The following TRIM2 variants were observed in gnomAD, a reference collection of about 807,000 sequenced individuals.
TRIM2 encodes tripartite motif containing 2.
TRIM2 carries 20 observed loss-of-function variants against 75.2 expected under a neutral mutation model. The ratio of observed to expected loss-of-function variants is 0.27; its 90% confidence interval spans 0.19 to 0.39. The LOEUF (loss-of-function observed/expected upper bound fraction) is 0.39. TRIM2 is among the 10% of genes least tolerant of loss of function. TRIM2 has a pLI of 1.00. For missense variants in TRIM2, 660 were observed against 990.8 expected (o/e 0.67, Z 4.48); for synonymous variants, 373 against 388.3 (o/e 0.96, Z 0.46).
In TRIM2 at chr4:153,294,387, G is replaced by T. The variant is rs1560963959; in HGVS notation, c.688G>T (p.Asp230Tyr). ...LTNQKASIVD[D>Y]IHSTFDELQK... ...CAACCAAAAGGCCAGCATCGTGGAT[G>T]ACATTCATTCCACCTTTGATGAGCT... Residue 230 changes from aspartate (D) to tyrosine (Y), a missense_variant, in exon 5 of 12, where the codon GAC becomes TAC. Asp to Tyr is a radical substitution (Grantham distance 160). Coordinates refer to ENST00000338700, the MANE Select transcript of TRIM2 (RefSeq NM_015271.5). 4 of 1,614,152 alleles carry T rather than the reference G, an allele frequency of 2.5e-6. No homozygotes were observed. The highest frequency in any genetic ancestry group is 3.4e-6 in the Non-Finnish European group (4 of 1,180,024).
chr4:153,308,360 T>C, intron 6 of TRIM2: 2 of 1,143,286 alleles, frequency 1.7e-6, no homozygotes, highest in Non-Finnish European at 2.7e-6. Flanking sequence ...CTTGGTTGGT[T>C]CTTGAGCAGA....
At chr4:153,163,678 G>A (rs1423337198) in intron 1 of TRIM2, among the ~76,000 whole-genome samples, 1 of 150,550 alleles carries the variant, frequency 6.6e-6, no homozygotes, top group Non-Finnish European at 1.5e-5. Context: ...ATTTTTGTGT[G>A]TTTAGTAGAG....
chr4:153,313,627 C>CTTTTTTTTTTTTTTTTTTTTTTT (rs398051309), intron 6 of TRIM2, among the ~76,000 whole-genome samples: 1 of 98,528 alleles, frequency 1.0e-5, no homozygotes, highest in African/African-American at 4.5e-5. Flanking sequence ...AGCAATGGCT[C>CTTTTTTTTTTTTTTTTTTTTTTT]TTTTTTTTTT....
intron 3 of TRIM2, among the ~76,000 whole-genome samples, chr4:153,287,005 G>C (rs1760793178): frequency 6.6e-6 from 1 of 150,390 alleles, no homozygotes; most frequent in Non-Finnish European, 1.5e-5. Context: ...TTAAGAGATG[G>C]TCTTGCTCTG....
At chr4:153,162,991 A>C (rs1729895721) in intron 1 of TRIM2, among the ~76,000 whole-genome samples, 1 of 152,202 alleles carries the variant, frequency 6.6e-6, no homozygotes, top group Non-Finnish European at 1.5e-5. Context: ...ATTTTTTGGA[A>C]GTGGAATCCT....
At chr4:153,166,393 GA>G (rs748797216) in intron 1 of TRIM2, among the ~76,000 whole-genome samples, 58 of 152,278 alleles carry the variant, frequency 3.8e-4, no homozygotes, top group Admixed American at 8.5e-4. Context: ...TGGTAATTGG[GA>G]CAAGACCTTT....
At chr4:153,261,174 C>A (rs1223310453) in intron 1 of TRIM2, among the ~76,000 whole-genome samples, 1 of 152,172 alleles carries the variant, frequency 6.6e-6, no homozygotes, top group Non-Finnish European at 1.5e-5. Flanking sequence ...GTAATCCCAG[C>A]ATTTTAAGAG....
chr4:153,271,118 G>A (rs779329444), intron 2 of TRIM2, among the ~76,000 whole-genome samples: 5 of 152,206 alleles, frequency 3.3e-5, no homozygotes, highest in Non-Finnish European at 4.4e-5. Flanking sequence ...GGAGAGGGGC[G>A]TTAATCAGTT....
At chr4:153,193,681 G>T (rs1733464286) in intron 1 of TRIM2, among the ~76,000 whole-genome samples, 1 of 152,182 alleles carries the variant, frequency 6.6e-6, no homozygotes, top group Non-Finnish European at 1.5e-5. Context: ...ATCACAGTGG[G>T]CGTGTGGCCT....
chr4:153,212,615 C>T (rs1177369156), intron 1 of TRIM2, among the ~76,000 whole-genome samples: 2 of 152,070 alleles, frequency 1.3e-5, no homozygotes, highest in Non-Finnish European at 2.9e-5. Context: ...GTGATTGCAC[C>T]ACTGCAGTCC....
intron 1 of TRIM2, among the ~76,000 whole-genome samples, chr4:153,192,734 CA>C (rs1176934248): frequency 6.6e-6 from 1 of 152,142 alleles, no homozygotes; most frequent in Non-Finnish European, 1.5e-5. Context: ...GCACTAGATC[CA>C]GGAGTCCCCG....
intron 1 of TRIM2, among the ~76,000 whole-genome samples, chr4:153,246,869 C>T (rs1749308554): frequency 6.6e-6 from 1 of 152,218 alleles, no homozygotes; most frequent in Non-Finnish European, 1.5e-5. Flanking sequence ...TCCGCCCTTG[C>T]TCTTCCCCTC....
At position 153,270,536 on chromosome 4, in the gene TRIM2, C is replaced by T. The variant is rs1226666120; in HGVS notation, c.215+17C>T. 6.3e-7 allele frequency: 1 copy of T among 1,583,378 alleles called. No homozygotes were observed. ...CTGCGAGAGGTAAGCCTCCTTTGTG[C>T]TTGGAGAAGGGAGTTTCGCAGGCTG... On this transcript the variant is annotated intron_variant, in intron 2 of 11. Coordinates refer to ENST00000338700, the MANE Select transcript of TRIM2 (RefSeq NM_015271.5).
At chr4:153,300,203 A>C (rs1161799610) in intron 6 of TRIM2, among the ~76,000 whole-genome samples, 1 of 152,144 alleles carries the variant, frequency 6.6e-6, no homozygotes, top group African/African-American at 2.4e-5. Context: ...CATTCCCACC[A>C]ACCTGTGCCA....
chr4:153,216,178 AC>A (rs1490524507), intron 1 of TRIM2, among the ~76,000 whole-genome samples: 4 of 152,156 alleles, frequency 2.6e-5, no homozygotes, highest in Non-Finnish European at 4.4e-5. Flanking sequence ...CTGTAATGTG[AC>A]CTGGAGCCTC....
chr4:153,293,802 T>C (rs1462424034), intron 4 of TRIM2, among the ~76,000 whole-genome samples: 1 of 152,202 alleles, frequency 6.6e-6, no homozygotes, highest in African/African-American at 2.4e-5. Flanking sequence ...ATAAATGTTT[T>C]ATGTGGCTAG....
chr4:153,244,886 A>G (rs1748701741), intron 1 of TRIM2, among the ~76,000 whole-genome samples: 1 of 152,234 alleles, frequency 6.6e-6, no homozygotes, highest in East Asian at 1.9e-4. Flanking sequence ...CCTGTTTTAC[A>G]GCTAAATCAT....
intron 1 of TRIM2, among the ~76,000 whole-genome samples, chr4:153,216,537 A>G (rs1738521542): frequency 6.6e-6 from 1 of 152,344 alleles, no homozygotes; most frequent in African/African-American, 2.4e-5. Context: ...TCTTTTGACA[A>G]AAGGAGGCAT....
upstream of TRIM2, among the ~76,000 whole-genome samples, chr4:153,202,404 T>C (rs980752171): frequency 5.3e-5 from 8 of 152,130 alleles, no homozygotes; most frequent in African/African-American, 1.7e-4. Flanking sequence ...TATTTAGAAA[T>C]GATATAAGGA....
Sources: allele counts gnomAD v4.1 joint callset (sites outside exome capture counted in the v4.1 genomes callset), GRCh38; gene constraint gnomAD v4.1.1; transcripts MANE v1.5; gene names NCBI Gene and HGNC (gene_info 2026-07-23, HGNC 2026-07-21).